FRAS1: variants seen among roughly 807,000 people sequenced by gnomAD.
FRAS1 encodes extracellular matrix organizing protein FRAS1.
FRAS1 carries 290 observed loss-of-function variants against 435.2 expected under a neutral mutation model. The observed-to-expected ratio is 0.67, with a 90% CI of 0.61 to 0.73. The LOEUF (loss-of-function observed/expected upper bound fraction) is 0.73, where lower values mean the gene tolerates loss of function less well. Among genes scored for constraint, FRAS1 ranks in the 30% least tolerant of loss-of-function variants. The pLI, the probability that FRAS1 is intolerant of heterozygous loss-of-function variation, is 0.00. For synonymous variants in FRAS1, 1,800 were observed against 1,851.0 expected, an observed-to-expected ratio of 0.97 and a Z score of 0.71; for missense variants, 4,860 against 5,001.5, an observed-to-expected ratio of 0.97 and a Z score of 0.85.
At chr4:78,319,732 T>C (rs1217461042) in intron 18 of FRAS1, 1 of 212,740 alleles carries the variant, frequency 4.7e-6, no homozygotes, top group Non-Finnish European at 9.7e-6. Flanking sequence ...TGTTTATATT[T>C]GTAACATAAC....
At chr4:78,104,702 A>G (rs544225122) in intron 2 of FRAS1, among the ~76,000 whole-genome samples, 77 of 152,294 alleles carry the variant, frequency 5.1e-4, no homozygotes, top group African/African-American at 1.8e-3. Context: ...GGTGGTATGG[A>G]AATGAGACAT....
chr4:78,378,146 C>T (rs922126488), intron 26 of FRAS1, among the ~76,000 whole-genome samples: 4 of 152,158 alleles, frequency 2.6e-5, no homozygotes, highest in Admixed American at 6.5e-5. Context: ...CTATTCTAGA[C>T]ATCTCACATA....
At chr4:78,198,561 C>T (rs975275911) in intron 2 of FRAS1, among the ~76,000 whole-genome samples, 1 of 152,212 alleles carries the variant, frequency 6.6e-6, no homozygotes, top group Non-Finnish European at 1.5e-5. Flanking sequence ...TTTTGCTGCT[C>T]TCTCTGGTTC....
intron 2 of FRAS1, among the ~76,000 whole-genome samples, chr4:78,191,958 T>C (rs1722557256): frequency 6.6e-6 from 1 of 152,208 alleles, no homozygotes; most frequent in South Asian, 2.1e-4. Flanking sequence ...ACATTTGGGT[T>C]GGTTCCATGT....
intron 2 of FRAS1, among the ~76,000 whole-genome samples, chr4:78,119,121 G>A (rs1007381220): frequency 1.3e-5 from 2 of 152,100 alleles, no homozygotes; most frequent in African/African-American, 2.4e-5. Context: ...TACATATAAT[G>A]TGTAGTGATC....
At chr4:78,504,087 G>A (rs978021228) in intron 61 of FRAS1, among the ~76,000 whole-genome samples, 1 of 152,218 alleles carries the variant, frequency 6.6e-6, no homozygotes, top group Non-Finnish European at 1.5e-5. Context: ...GAGACAGTTT[G>A]TTGTGATTTC....
intron 5 of FRAS1, among the ~76,000 whole-genome samples, chr4:78,253,489 A>C (rs1038328682): frequency 2.8e-4 from 42 of 152,154 alleles, no homozygotes; most frequent in African/African-American, 9.9e-4. Flanking sequence ...AGAGGTGATA[A>C]ATGTCCATGA....
intron 20 of FRAS1, among the ~76,000 whole-genome samples, chr4:78,361,966 G>A (rs570240391): frequency 1.5e-4 from 23 of 152,248 alleles, no homozygotes; most frequent in Non-Finnish European, 3.2e-4. Context: ...GACTTAAAGG[G>A]TAATTACCAC....
At chr4:78,277,889 G>A (rs898579472) in intron 9 of FRAS1, among the ~76,000 whole-genome samples, 2 of 151,644 alleles carry the variant, frequency 1.3e-5, no homozygotes, top group East Asian at 3.9e-4. Flanking sequence ...TCGGCTCACT[G>A]CAAGCTCCGC....
intron 47 of FRAS1, among the ~76,000 whole-genome samples, chr4:78,453,362 C>A (rs866591743): frequency 6.6e-6 from 1 of 151,996 alleles, no homozygotes; most frequent in East Asian, 1.9e-4. Context: ...GAGAATAATG[C>A]GAGAGAGAAT....
intron 47 of FRAS1, among the ~76,000 whole-genome samples, chr4:78,462,270 G>A (rs1719392374): frequency 6.6e-6 from 1 of 152,020 alleles, no homozygotes; most frequent in Non-Finnish European, 1.5e-5. Flanking sequence ...AGCTACTTGG[G>A]AGACTGAGGC....
chr4:78,186,931 C>T (rs1722296602), intron 2 of FRAS1, among the ~76,000 whole-genome samples: 1 of 152,214 alleles, frequency 6.6e-6, no homozygotes, highest in Non-Finnish European at 1.5e-5. Flanking sequence ...TACTTAGCTT[C>T]TCTCCAAATC....
chr4:78,192,025 A>T (rs567280062), intron 2 of FRAS1, among the ~76,000 whole-genome samples: 1 of 152,294 alleles, frequency 6.6e-6, no homozygotes, highest in South Asian at 2.1e-4. Context: ...TCTTTACAGC[A>T]GCATGATTTA....
chr4:78,422,033 A>G lies in FRAS1; in HGVS notation c.4678+33A>G, dbSNP rs375426273. ...TCTCCTCTCTGCTTTGAGGCACCCA[A>G]CTGCTCTCTGTGGCTCTACATGACA... On this transcript the variant is annotated intron_variant, in intron 34 of 73. Transcript: ENST00000512123. 52 of 1,574,744 alleles carry G rather than the reference A, an allele frequency of 3.3e-5. No individual in the cohort carries two copies. The African/African-American group carries it at 6.2e-4, about 19-fold the overall frequency.
At chr4:78,290,233 A>G (rs1325117389) in intron 14 of FRAS1, among the ~76,000 whole-genome samples, 1 of 152,250 alleles carries the variant, frequency 6.6e-6, no homozygotes, top group East Asian at 1.9e-4. Flanking sequence ...GAGAAAGAGT[A>G]CGATTTAGCC....
intron 28 of FRAS1, 57 bp from the exon 29 acceptor site, chr4:78,387,318 C>G (rs1732253815): frequency 8.0e-7 from 1 of 1,256,146 alleles, no homozygotes. Flanking sequence ...GTATCTAGTC[C>G]ACTGGATTGT....
intron 2 of FRAS1, among the ~76,000 whole-genome samples, chr4:78,123,295 G>C (rs1365938613): frequency 6.6e-6 from 1 of 152,128 alleles, no homozygotes; most frequent in Non-Finnish European, 1.5e-5. Context: ...GTAGATGTGT[G>C]GTGTTATTTC....
intron 31 of FRAS1, among the ~76,000 whole-genome samples, chr4:78,411,883 C>A (rs1038230866): frequency 2.6e-5 from 4 of 152,116 alleles, no homozygotes; most frequent in Non-Finnish European, 5.9e-5. Flanking sequence ...TAAATACTGC[C>A]ACTTGTTGGC....
At chr4:78,096,132 T>C (rs1371303867) in intron 2 of FRAS1, among the ~76,000 whole-genome samples, 1 of 152,236 alleles carries the variant, frequency 6.6e-6, no homozygotes, top group African/African-American at 2.4e-5. Context: ...ACAAAAGGGC[T>C]GCAGGCCCCA....
Sources: gnomAD v4.1 joint callset for allele counts (sites outside exome capture counted in the v4.1 genomes callset) on GRCh38, gnomAD v4.1.1 for gene constraint, MANE v1.5 for transcripts, NCBI Gene and HGNC (gene_info 2026-07-23, HGNC 2026-07-21) for gene names.